Variants in ACSM3 observed in about 807,000 individuals in gnomAD.
ACSM3 encodes the protein acyl-coenzyme A synthetase ACSM3, mitochondrial.
In ACSM3, 61 loss-of-function variants were observed where a neutral mutation model predicts 74.1. That is an observed-to-expected ratio of 0.82 (90% CI 0.67 to 1.02). ACSM3 has a LOEUF of 1.02. Among genes scored for constraint, ACSM3 ranks in the 50% least tolerant of loss-of-function variants. The probability of loss-of-function intolerance (pLI) is 0.00; values close to 1 mark genes in which losing one functional copy is unlikely to be tolerated. For missense variants in ACSM3, 660 were observed against 697.0 expected (o/e 0.95, Z 0.60); for synonymous variants, 213 against 241.5 (o/e 0.88, Z 1.09).
At chr16:20,778,836 C>A (rs978953094) in intron 4 of ACSM3, among the ~76,000 whole-genome samples, 2 of 152,120 alleles carry the variant, frequency 1.3e-5, no homozygotes, top group Non-Finnish European at 2.9e-5. Context: ...CTGCAACCTC[C>A]ACCTCCCGAG....
At chr16:20,710,382 G>A (rs2079740374) in intron 1 of ACSM3, among the ~76,000 whole-genome samples, 1 of 152,126 alleles carries the variant, frequency 6.6e-6, no homozygotes, top group Non-Finnish European at 1.5e-5. Context: ...CTTCCCATCT[G>A]AGTGTAGCAC....
intron 1 of ACSM3, chr16:20,737,144 C>G: frequency 6.2e-7 from 1 of 1,614,200 alleles, no homozygotes; most frequent in Non-Finnish European, 8.5e-7. Flanking sequence ...TCTTCACCAC[C>G]TCCTGGAGAT....
chr16:20,789,475 T>A (rs778604727), intron 9 of ACSM3: 1 of 1,607,712 alleles, frequency 6.2e-7, no homozygotes, highest in Non-Finnish European at 8.5e-7. Flanking sequence ...TGTGGCTTAC[T>A]TACCATTGTC....
At chr16:20,741,481 G>GGGGGGGGGGGGGGCCCCCC in intron 1 of ACSM3, 2 of 1,308,408 alleles carry the variant, frequency 1.5e-6, no homozygotes, top group Non-Finnish European at 2.0e-6. Flanking sequence ...CTGGCAGCCG[G>GGGGGGGGGGGGGGCCCCCC]CCCGCCCGCC....
chr16:20,780,936 T>G lies in ACSM3; in HGVS notation c.783-38T>G, dbSNP rs764296808. On this transcript the variant is annotated intron_variant, in intron 5 of 13. Coordinates refer to ENST00000289416, the MANE Select transcript of ACSM3 (RefSeq NM_005622.4). ...TTATGTACTGGTCTTTTATATTTAT[T>G]TTCCTATGTACATCAGGGCTACTCT... 15 of 1,612,382 alleles carry G rather than the reference T, an allele frequency of 9.3e-6. 1 individual carries two copies. Among genetic ancestry groups the G allele is most frequent in the Non-Finnish European group, 1.3e-5 (15 of 1,179,280 alleles).
chr16:20,701,220 GT>G (rs2079711908), intron 1 of ACSM3, among the ~76,000 whole-genome samples: 1 of 152,126 alleles, frequency 6.6e-6, no homozygotes, highest in Admixed American at 6.5e-5. Context: ...ATTTAAGCTA[GT>G]TTTTCCTGCT....
intron 7 of ACSM3, among the ~76,000 whole-genome samples, chr16:20,782,359 C>G (rs1002140589): frequency 2.0e-5 from 3 of 152,248 alleles, no homozygotes; most frequent in African/African-American, 7.2e-5. Context: ...GCAGTATACA[C>G]TGTACTCAAT....
chr16:20,674,927 G>A (rs988386859), intron 1 of ACSM3: 1 of 152,238 alleles, frequency 6.6e-6, no homozygotes, highest in African/African-American at 2.4e-5. Flanking sequence ...AGTGGCTGGG[G>A]GTGGCAGGAG....
chr16:20,706,158 A>G (rs2079726981), intron 1 of ACSM3, among the ~76,000 whole-genome samples: 3 of 152,214 alleles, frequency 2.0e-5, no homozygotes, highest in African/African-American at 7.2e-5. Context: ...TTTAAGAAAT[A>G]ATGACCAAAA....
At chr16:20,776,083 A>G in intron 3 of ACSM3, 34 bp downstream of exon 3, 1 of 1,605,890 alleles carries the variant, frequency 6.2e-7, no homozygotes, top group Non-Finnish European at 8.5e-7. Context: ...CATATTTATT[A>G]CTAAGCTGGA....
upstream of ACSM3, among the ~76,000 whole-genome samples, chr16:20,760,901 T>C (rs2080071616): frequency 6.6e-6 from 1 of 152,226 alleles, no homozygotes. Context: ...GGAGGCTTCA[T>C]CTACTTGAAA....
At chr16:20,791,050 G>A (rs2080586190) in intron 10 of ACSM3, 2 of 973,902 alleles carry the variant, frequency 2.1e-6, no homozygotes, top group East Asian at 2.6e-5. Context: ...AGAGGGACAG[G>A]GGATGCGGGG....
Position 20,757,213 on chromosome 16 carries a change from C to T in ACSM3, c.-52+1597C>T, listed in dbSNP as rs1015981585. The stretch of plus-strand genomic sequence containing the variant: ...TGATGGGGATGGCATTGAATCTATA[C>T]ATTACCTTGGGCAGTATGGCCATTT... On this transcript the variant is annotated intron_variant, in intron 3 of 3. Transcript: ENST00000561584. Among the ~76,000 whole-genome samples the T allele has an allele frequency of 7.0e-3, 1,069 of 152,128 alleles. 4 individuals are homozygous for T. The highest frequency in any genetic ancestry group is 0.012 in the Non-Finnish European group (800 of 68,008).
At chr16:20,778,165 C>T (rs1596518352) in intron 4 of ACSM3, among the ~76,000 whole-genome samples, 1 of 152,182 alleles carries the variant, frequency 6.6e-6, no homozygotes, top group East Asian at 1.9e-4. Context: ...ACACTGGTAT[C>T]AGGTTAAAAG....
At chr16:20,677,792 A>C (rs1486632854) in intron 1 of ACSM3, among the ~76,000 whole-genome samples, 1 of 152,176 alleles carries the variant, frequency 6.6e-6, no homozygotes, top group African/African-American at 2.4e-5. Context: ...GGCTAGCAAA[A>C]GACCAAAAGA....
At chr16:20,727,291 G>T in intron 1 of ACSM3, 1 of 544,348 alleles carries the variant, frequency 1.8e-6, no homozygotes. Flanking sequence ...ATCTTGCAGG[G>T]AAAGCACTCA....
At chr16:20,706,403 T>C (rs1031715043) in intron 1 of ACSM3, among the ~76,000 whole-genome samples, 1 of 152,124 alleles carries the variant, frequency 6.6e-6, no homozygotes, top group African/African-American at 2.4e-5. Context: ...AGCTAGGAAG[T>C]GATGTCAGCA....
At chr16:20,767,236 G>GTACCCTCTGTACCCAATCCCCAAT (rs1435266861) in intron 1 of ACSM3, among the ~76,000 whole-genome samples, 4 of 18,418 alleles carry the variant, frequency 2.2e-4, no homozygotes, top group Non-Finnish European at 6.7e-4. Flanking sequence ...CAGGGACCGG[G>GTACCCTCTGTACCCAATCCCCAAT]GCCGGGCGCG....
chr16:20,682,144 G>C, intron 1 of ACSM3: 1 of 999,494 alleles, frequency 1.0e-6, no homozygotes, highest in Non-Finnish European at 1.5e-6. Context: ...TGACTGGGCT[G>C]GTGCACCTAA....
Sources: gnomAD v4.1 joint callset for allele counts (sites outside exome capture counted in the v4.1 genomes callset) on GRCh38, gnomAD v4.1.1 for gene constraint, MANE v1.5 for transcripts, NCBI Gene and HGNC (gene_info 2026-07-23, HGNC 2026-07-21) for gene names.